Variants in EYA1 observed in about 807,000 individuals in gnomAD.
The protein encoded by EYA1 is EYA transcriptional coactivator and phosphatase 1, also known as protein phosphatase EYA1.
A neutral mutation model predicts 82.0 loss-of-function variants in EYA1; 16 were observed. The observed-to-expected ratio is 0.20, with a 90% CI of 0.13 to 0.30. EYA1 has a LOEUF of 0.30. EYA1 is among the 10% of genes least tolerant of loss of function. EYA1 has a pLI of 1.00. For synonymous variants in EYA1, 261 were observed against 264.4 expected, an observed-to-expected ratio of 0.99 and a Z score of 0.12; for missense variants, 633 against 730.7, an observed-to-expected ratio of 0.87 and a Z score of 1.54.
chr8:71,381,966 T>C (rs1406845728), intron 2 of EYA1, among the ~76,000 whole-genome samples: 1 of 152,260 alleles, frequency 6.6e-6, no homozygotes, highest in East Asian at 1.9e-4. Flanking sequence ...CCTGAGGCAC[T>C]TAAAAATTTG....
chr8:71,300,279 A>G (rs1586251364), intron 7 of EYA1, among the ~76,000 whole-genome samples: 1 of 152,320 alleles, frequency 6.6e-6, no homozygotes, highest in East Asian at 1.9e-4. Context: ...TATCTGTTAC[A>G]TATGCTGTCA....
At chr8:71,519,165 T>C (rs1230047139) in intron 2 of EYA1, among the ~76,000 whole-genome samples, 1 of 152,186 alleles carries the variant, frequency 6.6e-6, no homozygotes, top group African/African-American at 2.4e-5. Context: ...TGATCTCTTC[T>C]GAGTTGGAAG....
intron 2 of EYA1, among the ~76,000 whole-genome samples, chr8:71,373,836 G>C (rs1828217446): frequency 6.6e-6 from 1 of 152,014 alleles, no homozygotes; most frequent in African/African-American, 2.4e-5. Context: ...ATAAACCCAA[G>C]CATATGTGGT....
chr8:71,199,431 G>A lies in EYA1; in HGVS notation c.1699-11C>T. 6.2e-7 allele frequency: 1 copy of A among 1,607,666 alleles called. No individual in the cohort carries two copies. The highest frequency in any genetic ancestry group is 2.2e-5 in the East Asian group (1 of 44,762). On this transcript the variant is annotated splice_polypyrimidine_tract_variant and intron_variant, in intron 17 of 17. Transcript: ENST00000340726. ...GAAGGGCATCGCGTGCTGCAGCAGA[G>A]GCACACATACATGTGAGGACAGAGC...
At chr8:71,416,652 A>T (rs1830868635) in intron 2 of EYA1, among the ~76,000 whole-genome samples, 1 of 152,166 alleles carries the variant, frequency 6.6e-6, no homozygotes, top group African/African-American at 2.4e-5. Context: ...AATATTATCT[A>T]TAATCTTGCC....
intron 2 of EYA1, among the ~76,000 whole-genome samples, chr8:71,469,138 C>T (rs572398754): frequency 6.7e-6 from 1 of 149,786 alleles, no homozygotes; most frequent in Non-Finnish European, 1.5e-5. Flanking sequence ...TTTTAGGCAC[C>T]CTAGTACATG....
At chr8:71,240,153 C>A (rs1469123079) in intron 12 of EYA1, among the ~76,000 whole-genome samples, 1 of 152,076 alleles carries the variant, frequency 6.6e-6, no homozygotes, top group Non-Finnish European at 1.5e-5. Context: ...AAAATCATTG[C>A]AGCTTTCTCC....
intron 17 of EYA1, among the ~76,000 whole-genome samples, chr8:71,207,066 C>T (rs1416100898): frequency 6.6e-6 from 1 of 152,152 alleles, no homozygotes; most frequent in East Asian, 1.9e-4. Context: ...ATTTTTGTTA[C>T]TTACTAATAT....
intron 7 of EYA1, among the ~76,000 whole-genome samples, chr8:71,312,017 C>A (rs1821395130): frequency 6.6e-6 from 1 of 152,090 alleles, no homozygotes; most frequent in African/African-American, 2.4e-5. Context: ...TAAGGCTGGC[C>A]CAGTTCACAA....
chr8:71,333,990 C>T, intron 4 of EYA1, 107 bp downstream of exon 4: 1 of 791,528 alleles, frequency 1.3e-6, no homozygotes, highest in Non-Finnish European at 2.3e-6. Flanking sequence ...TATATACCCA[C>T]ATATATACAC....
intron 11 of EYA1, among the ~76,000 whole-genome samples, chr8:71,252,467 G>C (rs933464049): frequency 6.6e-6 from 1 of 152,034 alleles, no homozygotes; most frequent in Non-Finnish European, 1.5e-5. Flanking sequence ...AGGCACTTTC[G>C]ATAGAATGTT....
chr8:71,522,397 T>A (rs983158897), intron 2 of EYA1, among the ~76,000 whole-genome samples: 3 of 152,208 alleles, frequency 2.0e-5, no homozygotes, highest in Non-Finnish European at 4.4e-5. Context: ...GCTGTATATG[T>A]AAAGTGCTTA....
chr8:71,297,477 C>T (rs1303264428), intron 9 of EYA1, among the ~76,000 whole-genome samples: 1 of 152,144 alleles, frequency 6.6e-6, no homozygotes, highest in South Asian at 2.1e-4. Flanking sequence ...TAATATTATT[C>T]GCTGTCTCCT....
At chr8:71,295,608 T>C (rs1368846336) in intron 9 of EYA1, among the ~76,000 whole-genome samples, 1 of 152,224 alleles carries the variant, frequency 6.6e-6, no homozygotes, top group Non-Finnish European at 1.5e-5. Flanking sequence ...CTCTTATTCA[T>C]TGCTGATGAG....
chr8:71,227,962 A>G (rs1214569168), intron 12 of EYA1, among the ~76,000 whole-genome samples: 1 of 152,242 alleles, frequency 6.6e-6, no homozygotes, highest in African/African-American at 2.4e-5. Flanking sequence ...TCAATTTTGC[A>G]TAAAAGAACA....
intron 16 of EYA1, among the ~76,000 whole-genome samples, chr8:71,214,404 C>T (rs9298164): frequency 0.33 from 49,701 of 152,072 alleles, 8,885 homozygotes; most frequent in East Asian, 0.75. Context: ...TGTTGAACTC[C>T]TACTTGCTCT....
intron 2 of EYA1, among the ~76,000 whole-genome samples, chr8:71,495,428 G>A (rs1431967588): frequency 6.6e-6 from 1 of 151,958 alleles, no homozygotes; most frequent in Non-Finnish European, 1.5e-5. Flanking sequence ...AACCTGGCCA[G>A]CATGGTGAAA....
At chr8:71,252,284 A>G (rs575584388) in intron 11 of EYA1, among the ~76,000 whole-genome samples, 15 of 152,034 alleles carry the variant, frequency 9.9e-5, no homozygotes, top group African/African-American at 3.6e-4. Flanking sequence ...TCATCTGTGT[A>G]TGTGAGAATC....
At chr8:71,379,908 C>A (rs1413146183) in intron 2 of EYA1, among the ~76,000 whole-genome samples, 1 of 152,218 alleles carries the variant, frequency 6.6e-6, no homozygotes, top group Non-Finnish European at 1.5e-5. Flanking sequence ...AGACTGCTCC[C>A]AACCAGATAG....
Sources: allele counts gnomAD v4.1 joint callset (sites outside exome capture counted in the v4.1 genomes callset), GRCh38; gene constraint gnomAD v4.1.1; transcripts MANE v1.5; gene names NCBI Gene and HGNC (gene_info 2026-07-23, HGNC 2026-07-21).